SASH1: variants seen among roughly 807,000 people sequenced by gnomAD.
SASH1 encodes the protein SAM and SH3 domain containing 1, also known as SAM and SH3 domain-containing protein 1.
A neutral mutation model predicts 125.2 loss-of-function variants in SASH1; 44 were observed. That is an observed-to-expected ratio of 0.35 (90% CI 0.28 to 0.45). The LOEUF is 0.45. Ranked by LOEUF, SASH1 falls within the 20% of genes least tolerant of loss-of-function variation. The probability of loss-of-function intolerance (pLI) is 1.00; values close to 1 mark genes in which losing one functional copy is unlikely to be tolerated. For synonymous variants in SASH1, 639 were observed against 649.1 expected (o/e 0.98, Z 0.24); for missense variants, 1,426 against 1,614.5 (o/e 0.88, Z 2.00).
At chr6:148,400,762 AAG>A (rs1050573389) in intron 2 of SASH1, among the ~76,000 whole-genome samples, 1 of 152,070 alleles carries the variant, frequency 6.6e-6, no homozygotes, top group Non-Finnish European at 1.5e-5. Context: ...GGGAAAAAGA[AAG>A]AGAATTAAGC....
chr6:148,475,185 T>A (rs1331548810), intron 7 of SASH1, among the ~76,000 whole-genome samples: 1 of 152,156 alleles, frequency 6.6e-6, no homozygotes, highest in African/African-American at 2.4e-5. Flanking sequence ...AAGTCCCAAA[T>A]AAACAGGTTT....
At chr6:148,399,864 C>T (rs899219349) in intron 2 of SASH1, among the ~76,000 whole-genome samples, 9 of 152,118 alleles carry the variant, frequency 5.9e-5, no homozygotes, top group African/African-American at 1.9e-4. Flanking sequence ...AGGGGGTGAA[C>T]GAGGCCCAGG....
At chr6:148,360,636 A>ACCCCCCCCCC (rs67278438) in intron 1 of SASH1, among the ~76,000 whole-genome samples, 1 of 127,824 alleles carries the variant, frequency 7.8e-6, no homozygotes, top group Non-Finnish European at 1.7e-5. Flanking sequence ...GGCGTGAGCC[A>ACCCCCCCCCC]CCCCCCCGCC....
the SASH1 span, among the ~76,000 whole-genome samples, chr6:148,209,285 G>A: frequency 6.6e-6 from 1 of 152,206 alleles, no homozygotes; most frequent in Non-Finnish European, 1.5e-5. Flanking sequence ...TCCTGTGACT[G>A]AAATATTAAT....
At chr6:148,311,118 T>C (rs1394992653) in intron 1 of SASH1, among the ~76,000 whole-genome samples, 7 of 151,398 alleles carry the variant, frequency 4.6e-5, no homozygotes, top group East Asian at 2.0e-4. Context: ...TTCTTTTTTT[T>C]CCCCCCAAGA....
At chr6:148,279,535 T>C (rs927243212) in intron 1 of SASH1, among the ~76,000 whole-genome samples, 14 of 152,094 alleles carry the variant, frequency 9.2e-5, no homozygotes, top group African/African-American at 3.4e-4. Flanking sequence ...AATTCTAAGA[T>C]TACACAAAAA....
At chr6:148,298,046 G>A (rs921805534) in intron 1 of SASH1, among the ~76,000 whole-genome samples, 12 of 149,132 alleles carry the variant, frequency 8.0e-5, no homozygotes, top group South Asian at 2.1e-4. Flanking sequence ...TCGCTCTGTC[G>A]CCCAGGCTGG....
At chr6:148,309,103 A>AAAAAAT (rs60194902) in intron 1 of SASH1, among the ~76,000 whole-genome samples, 2 of 143,608 alleles carry the variant, frequency 1.4e-5, no homozygotes. Context: ...AAAAAAAAAA[A>AAAAAAT]GATTCTCTTT....
At chr6:148,513,860 C>T (rs1429206662) in intron 8 of SASH1, 7 of 985,966 alleles carry the variant, frequency 7.1e-6, no homozygotes, top group Non-Finnish European at 8.4e-6. Flanking sequence ...TTTTGATTTT[C>T]GGGGGAGGGC....
Position 148,486,220 on chromosome 6 carries a change from A to G in SASH1, c.628-1394A>G, listed in dbSNP as rs556411254. ...ACCGCAACCTCTGCCTCCCAGGTTC[A>G]AGCGATTCTCCTGCCTCAGCCTCCT... On this transcript the variant is annotated intron_variant, in intron 7 of 19. Transcript: ENST00000367467. Among the ~76,000 whole-genome samples, 9 of 152,192 alleles carry G rather than the reference A, an allele frequency of 5.9e-5. No homozygotes were observed. In the South Asian group the frequency reaches 1.5e-3, roughly 25 times the overall value.
chr6:148,392,286 C>CAAA (rs61537766), intron 2 of SASH1, among the ~76,000 whole-genome samples: 2 of 116,116 alleles, frequency 1.7e-5, no homozygotes, highest in Non-Finnish European at 3.6e-5. Context: ...AACTCTGTCT[C>CAAA]AAAAAAAAAA....
At chr6:148,315,552 T>C (rs1780459270) in intron 1 of SASH1, among the ~76,000 whole-genome samples, 1 of 152,176 alleles carries the variant, frequency 6.6e-6, no homozygotes, top group African/African-American at 2.4e-5. Flanking sequence ...AATTCAAACT[T>C]TCTTAAATTT....
intron 2 of SASH1, among the ~76,000 whole-genome samples, chr6:148,398,340 A>G (rs1424375891): frequency 6.6e-6 from 1 of 152,230 alleles, no homozygotes; most frequent in African/African-American, 2.4e-5. Flanking sequence ...ACATGCGCAC[A>G]TAGTCCAGTC....
chr6:148,240,582 C>T, the SASH1 span, among the ~76,000 whole-genome samples: 1 of 152,126 alleles, frequency 6.6e-6, no homozygotes, highest in African/African-American at 2.4e-5. Flanking sequence ...GTTTGGGCTG[C>T]CTTCCCTTAG....
chr6:148,468,737 A>G (rs1777963391), intron 5 of SASH1, 152 bp downstream of exon 5: 1 of 549,694 alleles, frequency 1.8e-6, no homozygotes, highest in Non-Finnish European at 3.1e-6. Flanking sequence ...TCCTTTTTCT[A>G]GGCAGTTTTA....
At chr6:148,349,677 C>T (rs376102064) in intron 1 of SASH1, among the ~76,000 whole-genome samples, 56 of 152,204 alleles carry the variant, frequency 3.7e-4, no homozygotes, top group Middle Eastern at 3.4e-3. Flanking sequence ...GTTTCTGTGT[C>T]GAGTCATTAC....
the SASH1 span, among the ~76,000 whole-genome samples, chr6:148,194,724 G>A: frequency 6.6e-6 from 1 of 152,152 alleles, no homozygotes; most frequent in Non-Finnish European, 1.5e-5. Context: ...TGGTTAACAC[G>A]GTGAAACCCC....
chr6:148,407,350 T>C (rs1466932239), intron 2 of SASH1, among the ~76,000 whole-genome samples: 1 of 151,916 alleles, frequency 6.6e-6, no homozygotes, highest in Admixed American at 6.6e-5. Context: ...TTTGTGACTG[T>C]TTTTTTTCAC....
upstream of SASH1, among the ~76,000 whole-genome samples, chr6:148,271,296 T>G (rs1314643744): frequency 6.6e-6 from 1 of 152,194 alleles, no homozygotes; most frequent in Non-Finnish European, 1.5e-5. Flanking sequence ...TTTTTCCCCA[T>G]GAAGATAGGA....
Sources: allele counts gnomAD v4.1 joint callset (sites outside exome capture counted in the v4.1 genomes callset), GRCh38; gene constraint gnomAD v4.1.1; transcripts MANE v1.5; gene names NCBI Gene and HGNC (gene_info 2026-07-23, HGNC 2026-07-21).